The following VGLL3 variants were observed in gnomAD, a reference collection of about 807,000 sequenced individuals.
VGLL3 encodes the protein vestigial like family member 3.
In VGLL3, 18 loss-of-function variants were observed where a neutral mutation model predicts 29.2. The ratio of observed to expected loss-of-function variants is 0.62; its 90% confidence interval spans 0.43 to 0.91. The LOEUF is 0.91. Among genes scored for constraint, VGLL3 ranks in the 40% least tolerant of loss-of-function variants. The pLI is 0.00. For synonymous variants in VGLL3, 180 were observed against 151.8 expected, an observed-to-expected ratio of 1.19 and a Z score of -1.36; for missense variants, 440 against 413.2, an observed-to-expected ratio of 1.06 and a Z score of -0.56.
chr3:86,955,934 A>G (rs1704713254), intron 3 of VGLL3, among the ~76,000 whole-genome samples: 1 of 152,314 alleles, frequency 6.6e-6, no homozygotes, highest in Admixed American at 6.5e-5. Context: ...TACCTAGCAT[A>G]TTTTGCTTCT....
chr3:86,950,028 CT>C (rs887506232), intron 3 of VGLL3, among the ~76,000 whole-genome samples: 25 of 152,190 alleles, frequency 1.6e-4, no homozygotes, highest in African/African-American at 5.8e-4. Flanking sequence ...TTTCCCAAGA[CT>C]TTTCTTGCCA....
chr3:86,973,886 G>A (rs1306440081), intron 2 of VGLL3, among the ~76,000 whole-genome samples: 1 of 152,172 alleles, frequency 6.6e-6, no homozygotes, highest in Non-Finnish European at 1.5e-5. Flanking sequence ...ATGGTTTTAA[G>A]TCAGTGATTT....
chr3:86,970,483 G>GCACACACACACACACACACACACACA (rs10694503), intron 2 of VGLL3, among the ~76,000 whole-genome samples: 2 of 141,200 alleles, frequency 1.4e-5, no homozygotes, highest in Non-Finnish European at 3.1e-5. Flanking sequence ...TTACACACAC[G>GCACACACACACACACACACACACACA]CACACACACA....
intron 2 of VGLL3, among the ~76,000 whole-genome samples, chr3:86,971,292 C>G (rs573083779): frequency 2.0e-5 from 3 of 152,290 alleles, no homozygotes; most frequent in Admixed American, 1.3e-4. Flanking sequence ...AACATTTCCT[C>G]TCCCCTAAAG....
In VGLL3 at chr3:86,969,128, G is replaced by C; in HGVS notation, c.404-5C>G. ...GGCTTGAGAGAGCTGAGCTGTCTGA[G>C]AAGACAGAAAATAAAAAACATTATT... On this transcript the variant is annotated splice_polypyrimidine_tract_variant and splice_region_variant and intron_variant, in intron 2 of 3. Transcript: ENST00000398399. The C allele has an allele frequency of 2.6e-6, 4 of 1,555,462 alleles. No individual in the cohort carries two copies. In the South Asian group the frequency reaches 3.7e-5, roughly 14 times the overall value.
In VGLL3 at chr3:86,974,639, C is replaced by T. The variant is rs545639881; in HGVS notation, c.403+3887G>A. Among the ~76,000 whole-genome samples the T allele has an allele frequency of 8.5e-5, 13 of 152,312 alleles. No homozygotes were observed. In the East Asian group the frequency reaches 2.1e-3, roughly 25 times the overall value. On this transcript the variant is annotated intron_variant, in intron 2 of 3. Transcript: ENST00000398399. Reference sequence around the variant, plus strand: ...CATTCTTTCATTATTAGCTGACACACTATTCTTTGTCTAAAGATTTACCGT... The same window carrying T: ...CATTCTTTCATTATTAGCTGACACATTATTCTTTGTCTAAAGATTTACCGT...
At chr3:86,960,840 G>A (rs1704821559) in intron 3 of VGLL3, among the ~76,000 whole-genome samples, 1 of 151,396 alleles carries the variant, frequency 6.6e-6, no homozygotes, top group African/African-American at 2.4e-5. Flanking sequence ...TAGTTTTTTT[G>A]AGAGGCAAAA....
chr3:86,947,610 C>A (rs929462635), intron 3 of VGLL3, among the ~76,000 whole-genome samples: 2 of 152,040 alleles, frequency 1.3e-5, no homozygotes. Context: ...GTAAAATAAA[C>A]ACAGTTGGTT....
intron 1 of VGLL3, 96 bp from the exon 2 acceptor site, chr3:86,978,898 T>C: frequency 4.5e-6 from 6 of 1,337,674 alleles, no homozygotes; most frequent in Non-Finnish European, 6.0e-6. Flanking sequence ...AATCTAAATA[T>C]TAACATATGT....
At chr3:86,971,296 C>G (rs1705095814) in intron 2 of VGLL3, among the ~76,000 whole-genome samples, 1 of 152,140 alleles carries the variant, frequency 6.6e-6, no homozygotes, top group Non-Finnish European at 1.5e-5. Flanking sequence ...TTTCCTCTCC[C>G]CTAAAGGCTG....
intron 3 of VGLL3, among the ~76,000 whole-genome samples, chr3:86,950,063 G>A (rs1704586495): frequency 6.6e-6 from 1 of 152,064 alleles, no homozygotes; most frequent in Non-Finnish European, 1.5e-5. Flanking sequence ...TCTGCTACAG[G>A]TTCTGCTCCT....
rs991411754 is a variant in VGLL3, at chr3:86,945,298, T to C, written c.*1726A>G. 5 of 152,212 alleles carry C rather than the reference T, an allele frequency of 3.3e-5. No homozygotes were observed. The highest frequency in any genetic ancestry group is 1.2e-4 in the African/African-American group (5 of 41,448). The allele number at this position is 152,212 out of a possible 1,614,324, so 9.4% of individuals were successfully genotyped here. A position where few individuals can be genotyped will look rare whatever the true frequency, so the allele number is the denominator to read the frequency against. On this transcript the variant is annotated 3_prime_UTR_variant, in exon 4 of 4. Coordinates refer to ENST00000398399, the MANE Select transcript of VGLL3 (RefSeq NM_016206.4). Reference sequence around the variant, plus strand: ...AGCCAAGGAAAATATTTGAAAATTATCTATGAGAACTCTGCCTAGCTGAAC... The same window carrying C: ...AGCCAAGGAAAATATTTGAAAATTACCTATGAGAACTCTGCCTAGCTGAAC...
intron 3 of VGLL3, among the ~76,000 whole-genome samples, chr3:86,957,016 A>G (rs545804933): frequency 6.6e-6 from 1 of 151,730 alleles, no homozygotes; most frequent in East Asian, 1.9e-4. Flanking sequence ...TGTACTTAAA[A>G]TTTTTTTTGT....
chr3:86,989,658 A>C (rs1006763414), intron 1 of VGLL3, among the ~76,000 whole-genome samples: 3 of 152,118 alleles, frequency 2.0e-5, no homozygotes, highest in African/African-American at 7.2e-5. Context: ...AACCAAATCT[A>C]GTTATTTTTT....
chr3:86,968,288 G>T (rs1394556164), intron 3 of VGLL3, among the ~76,000 whole-genome samples: 2 of 152,174 alleles, frequency 1.3e-5, no homozygotes, highest in African/African-American at 4.8e-5. Flanking sequence ...AGACATGGGA[G>T]ATTTAAATAA....
chr3:86,953,939 C>T (rs1220682838), intron 3 of VGLL3, among the ~76,000 whole-genome samples: 1 of 152,008 alleles, frequency 6.6e-6, no homozygotes, highest in East Asian at 1.9e-4. Flanking sequence ...TTTCTTAAAC[C>T]AGACCAAAGA....
chr3:86,984,389 T>G (rs1300967548), intron 1 of VGLL3, among the ~76,000 whole-genome samples: 2 of 152,206 alleles, frequency 1.3e-5, no homozygotes, highest in Non-Finnish European at 2.9e-5. Context: ...CATTTGCCTC[T>G]AAATGATTCT....
intron 1 of VGLL3, among the ~76,000 whole-genome samples, chr3:86,987,764 T>TA (rs1425480706): frequency 2.0e-5 from 3 of 152,146 alleles, no homozygotes; most frequent in African/African-American, 7.2e-5. Context: ...TTTGACTTTT[T>TA]AGCCCACTGT....
chr3:86,974,033 A>C lies in VGLL3; in HGVS notation c.403+4493T>G, dbSNP rs1705158155. Reference sequence around the variant, plus strand: ...AAATTAATCATATAGATTATTTTTAAAATCTTTATAATAACTCTAGGAGAA... The same window carrying C: ...AAATTAATCATATAGATTATTTTTACAATCTTTATAATAACTCTAGGAGAA... On this transcript the variant is annotated intron_variant, in intron 2 of 3. Transcript: ENST00000398399. Among the ~76,000 whole-genome samples the C allele has an allele frequency of 2.6e-5, 4 of 152,300 alleles. No individual in the cohort carries two copies. In the South Asian group the frequency reaches 8.3e-4, roughly 32 times the overall value.
Sources: gnomAD v4.1 joint callset for allele counts (sites outside exome capture counted in the v4.1 genomes callset) on GRCh38, gnomAD v4.1.1 for gene constraint, MANE v1.5 for transcripts, NCBI Gene and HGNC (gene_info 2026-07-23, HGNC 2026-07-21) for gene names.